RPS6KA1: variants seen among roughly 807,000 people sequenced by gnomAD.
RPS6KA1 encodes the protein ribosomal protein S6 kinase alpha-1.
RPS6KA1 carries 48 observed loss-of-function variants against 91.3 expected under a neutral mutation model. The ratio of observed to expected loss-of-function variants is 0.53; its 90% confidence interval spans 0.42 to 0.67. RPS6KA1 has a LOEUF of 0.67. RPS6KA1 is among the 30% of genes least tolerant of loss of function. The pLI is 0.00. For missense variants in RPS6KA1, 719 were observed against 960.5 expected (o/e 0.75, Z 3.32); for synonymous variants, 359 against 384.7 (o/e 0.93, Z 0.78).
At chr1:26,536,604 C>T (rs1356229146) in intron 1 of RPS6KA1, among the ~76,000 whole-genome samples, 2 of 152,210 alleles carry the variant, frequency 1.3e-5, no homozygotes, top group African/African-American at 4.8e-5. Flanking sequence ...CCACACATGA[C>T]CCTTCCCTTC....
In RPS6KA1 at chr1:26,554,379, A is replaced by C; in HGVS notation, c.613+128A>C. 8.5e-7 allele frequency: 1 copy of C among 1,178,936 alleles called. No individual in the cohort carries two copies. Among genetic ancestry groups the C allele is most frequent in the Non-Finnish European group, 1.2e-6 (1 of 835,392 alleles). 73.0% of individuals were successfully genotyped at this position (1,178,936 alleles called of 1,614,324 possible). ...TGCCAGTTACTTGGAAGTGGTCAAA[A>C]ACTCAGGCCTCAGACTTGGAACACC... On this transcript the variant is annotated intron_variant, in intron 8 of 21. Coordinates refer to ENST00000374168, the MANE Select transcript of RPS6KA1 (RefSeq NM_002953.4). The surrounding 1 kb of genome is among the most constrained non-coding windows in gnomAD (Gnocchi z 4.6).
intron 1 of RPS6KA1, chr1:26,530,664 C>T: frequency 9.5e-7 from 1 of 1,056,024 alleles, no homozygotes; most frequent in South Asian, 1.5e-5. Flanking sequence ...ATGCCCCTTC[C>T]GGTAGGAAGG....
intron 17 of RPS6KA1, among the ~76,000 whole-genome samples, chr1:26,568,453 A>C (rs1368190492): frequency 6.6e-6 from 1 of 152,200 alleles, no homozygotes; most frequent in Admixed American, 6.5e-5. Context: ...GTAGGAAAAA[A>C]GATCAACAAC....
chr1:26,544,330 TC>T (rs2075973505), intron 2 of RPS6KA1, among the ~76,000 whole-genome samples: 1 of 152,152 alleles, frequency 6.6e-6, no homozygotes, highest in Non-Finnish European at 1.5e-5. Context: ...TGCCTGTTGT[TC>T]ATGTCCCCTT....
rs780133281 is a variant in RPS6KA1 at position 26,571,892 on chromosome 1, G to A, written c.1796G>A (p.Ser599Asn). Residue 599 changes from serine (S) to asparagine (N), a missense_variant, in exon 19 of 22, where the codon AGC becomes AAC. Around this residue, in one of 5 missense-constraint regions of RPS6KA1, gnomAD observed 249 missense variants for 323.1 expected, o/e 0.77. Transcript: ENST00000374168. This position sits in a 1 kb window ranked among gnomAD's most constrained non-coding sequence, Gnocchi z 5.1. ...TACGATGAAGGCTGCGACATCTGGAGCCTGGGCATTCTGCTGTACACCATG... is the reference window on the plus strand; with the variant it reads ...TACGATGAAGGCTGCGACATCTGGAACCTGGGCATTCTGCTGTACACCATG... ...QGYDEGCDIW[S>N]LGILLYTMLA... 1.9e-6 allele frequency: 3 copies of A among 1,611,720 alleles called. No individual in the cohort carries two copies. Among genetic ancestry groups the A allele is most frequent in the African/African-American group, 2.7e-5 (2 of 74,930 alleles).
At position 26,546,890 on chromosome 1, in the gene RPS6KA1, C is replaced by T. The variant is rs202208797; in HGVS notation, c.132C>T (p.Ile44=). 354 of 1,614,126 alleles carry T rather than the reference C, an allele frequency of 2.2e-4. 2 individuals carry two copies. In the South Asian group the frequency reaches 3.6e-3, roughly 16 times the overall value. The change falls in exon 3 of 22, where the codon ATC becomes ATT. Residue 44 remains isoleucine, a synonymous_variant. Coordinates refer to ENST00000374168, the MANE Select transcript of RPS6KA1 (RefSeq NM_002953.4). ...AGGATGAGGGCGTCCTCAAGGAGAT[C>T]TCCATCACGCACCACGTCAAGGCTG... ...PSKDEGVLKE[I]SITHHVKAGS... is the part of the protein sequence containing the mutation.
intron 2 of RPS6KA1, chr1:26,543,225 A>G: frequency 3.9e-6 from 6 of 1,530,464 alleles, no homozygotes; most frequent in Non-Finnish European, 4.4e-6. Context: ...CAGAAAGGTG[A>G]GCAGAAGAGT....
chr1:26,553,059 C>T (rs907120336), intron 6 of RPS6KA1, among the ~76,000 whole-genome samples: 2 of 152,198 alleles, frequency 1.3e-5, no homozygotes, highest in African/African-American at 2.4e-5. Flanking sequence ...TTGGAGCTCA[C>T]TCCATGTCAG....
At chr1:26,573,458 C>A in intron 21 of RPS6KA1, 97 bp downstream of exon 21, 1 of 1,392,812 alleles carries the variant, frequency 7.2e-7, no homozygotes, top group Non-Finnish European at 1.0e-6. Context: ...ATGTCTGTAC[C>A]AAGCACCATG....
In RPS6KA1 at chr1:26,555,731, T is replaced by C; in HGVS notation, c.916+106T>C. 2 of 1,138,986 alleles carry C rather than the reference T, an allele frequency of 1.8e-6. No homozygotes were observed. Among genetic ancestry groups the C allele is most frequent in the Non-Finnish European group, 2.6e-6 (2 of 775,800 alleles). 70.6% of individuals were successfully genotyped at this position (1,138,986 alleles called of 1,614,324 possible). A position where few individuals can be genotyped will look rare whatever the true frequency, so the allele number is the denominator to read the frequency against. On this transcript the variant is annotated intron_variant, in intron 11 of 21. Transcript: ENST00000374168. This position sits in a 1 kb window ranked among gnomAD's most constrained non-coding sequence, Gnocchi z 4.3. ...TGGGCTGAAAGGGGCCGTTGTCCTT[T>C]GTGTGGGCAGACAATGCCGCGGGCC...
At chr1:26,548,754 G>A (rs1043407848) in intron 4 of RPS6KA1, among the ~76,000 whole-genome samples, 4 of 151,236 alleles carry the variant, frequency 2.6e-5, no homozygotes, top group Admixed American at 1.3e-4. Flanking sequence ...AGCCGAGATC[G>A]CGCCACCATA....
intron 17 of RPS6KA1, among the ~76,000 whole-genome samples, chr1:26,567,721 A>C (rs781271691): frequency 6.6e-6 from 1 of 152,150 alleles, no homozygotes; most frequent in Non-Finnish European, 1.5e-5. Context: ...GTGTCTTAAC[A>C]TCCAGCATGA....
At chr1:26,563,507 G>A (rs1302553022) in intron 17 of RPS6KA1, among the ~76,000 whole-genome samples, 6 of 152,158 alleles carry the variant, frequency 3.9e-5, no homozygotes, top group East Asian at 3.9e-4. Flanking sequence ...GATTACAGGC[G>A]TAAGCCACCT....
chr1:26,571,491 G>A lies in RPS6KA1; in HGVS notation c.1633G>A (p.Asp545Asn), dbSNP rs764846874. ...DLKPSNILYV[D>N]ESGNPECLRI... ...GAAGCCCAGCAACATCCTGTATGTG[G>A]ACGAGTCCGGGAATCCCGAGTGCCT... The change falls in exon 18 of 22, where the codon GAC becomes AAC. Residue 545 changes from aspartate (D) to asparagine (N), a missense_variant. Asp to Asn is a conservative substitution (Grantham distance 23). This residue lies in a region of RPS6KA1 where 249 missense variants were observed against 323.1 expected (regional missense o/e 0.77). Coordinates refer to ENST00000374168, the MANE Select transcript of RPS6KA1 (RefSeq NM_002953.4). The surrounding 1 kb of genome is among the most constrained non-coding windows in gnomAD (Gnocchi z 5.1). 1 of 1,614,234 alleles carries A rather than the reference G, an allele frequency of 6.2e-7. No homozygotes were observed. The highest frequency in any genetic ancestry group is 8.5e-7 in the Non-Finnish European group (1 of 1,180,042).
chr1:26,554,347 G>A lies in RPS6KA1; in HGVS notation c.613+96G>A. ...AGTGCTGGGGGCTCATTCTTCCCGAGAAGCCGTGCCAGTTACTTGGAAGTG... is the reference window on the plus strand; with the variant it reads ...AGTGCTGGGGGCTCATTCTTCCCGAAAAGCCGTGCCAGTTACTTGGAAGTG... On this transcript the variant is annotated intron_variant, in intron 8 of 21. Coordinates refer to ENST00000374168, the MANE Select transcript of RPS6KA1 (RefSeq NM_002953.4). This position sits in a 1 kb window ranked among gnomAD's most constrained non-coding sequence, Gnocchi z 4.6. The A allele has an allele frequency of 7.4e-7, 1 of 1,345,008 alleles. No homozygotes were observed. Among genetic ancestry groups the A allele is most frequent in the Non-Finnish European group, 1.0e-6 (1 of 977,530 alleles). 83.3% of individuals were successfully genotyped at this position (1,345,008 alleles called of 1,614,324 possible).
intron 2 of RPS6KA1, 90 bp downstream of exon 2, chr1:26,537,059 C>T: frequency 7.2e-7 from 1 of 1,385,816 alleles, no homozygotes; most frequent in Non-Finnish European, 1.0e-6. Flanking sequence ...CAGCCTCTAG[C>T]CCCTTTGCCC....
intron 17 of RPS6KA1, among the ~76,000 whole-genome samples, chr1:26,565,146 A>G (rs1054772512): frequency 6.6e-6 from 1 of 152,160 alleles, no homozygotes; most frequent in Non-Finnish European, 1.5e-5. Context: ...GCTGTTTGCT[A>G]ATACCGGGGC....
chr1:26,574,828 G>A lies in RPS6KA1; in HGVS notation c.*627G>A, dbSNP rs7726. On this transcript the variant is annotated 3_prime_UTR_variant, in exon 22 of 22. Coordinates refer to ENST00000374168, the MANE Select transcript of RPS6KA1 (RefSeq NM_002953.4). The surrounding 1 kb of genome is among the most constrained non-coding windows in gnomAD (Gnocchi z 4.3). ...CCTTGGCTCTGCCAGTGGATCCCCT[G>A]CGGTCAGGCTGGGCAGCCCCAGAGA... The A allele has an allele frequency of 0.31, 71,390 of 227,252 alleles. 12,845 individuals carry two copies. The highest frequency in any genetic ancestry group is 0.71 in the East Asian group (5,524 of 7,746). 14.1% of individuals were successfully genotyped at this position (227,252 alleles called of 1,614,324 possible). A position where few individuals can be genotyped will look rare whatever the true frequency, so the allele number is the denominator to read the frequency against.
intron 2 of RPS6KA1, among the ~76,000 whole-genome samples, chr1:26,544,619 T>C (rs2075976296): frequency 6.6e-6 from 1 of 152,036 alleles, no homozygotes. Context: ...GGATTACAGG[T>C]GCCCACCACC....
Sources: allele counts gnomAD v4.1 joint callset (sites outside exome capture counted in the v4.1 genomes callset), GRCh38; gene constraint gnomAD v4.1.1; regional missense constraint gnomAD v4.1.1; non-coding constraint Gnocchi (gnomAD v3.1); transcripts MANE v1.5; gene names NCBI Gene and HGNC (gene_info 2026-07-23, HGNC 2026-07-21).